The following SPHKAP variants were observed in gnomAD, a reference collection of about 807,000 sequenced individuals.
The protein encoded by SPHKAP is SPHK1 interactor, AKAP domain containing, also known as A-kinase anchor protein SPHKAP.
SPHKAP carries 67 observed loss-of-function variants against 137.5 expected under a neutral mutation model. That is an observed-to-expected ratio of 0.49 (90% CI 0.40 to 0.60). SPHKAP has a LOEUF of 0.60. Ranked by LOEUF, SPHKAP falls within the 20% of genes least tolerant of loss-of-function variation. The pLI is 0.00. For missense variants in SPHKAP, 2,097 were observed against 2,069.3 expected (o/e 1.01, Z -0.26); for synonymous variants, 813 against 785.3 (o/e 1.04, Z -0.59).
chr2:228,167,319 A>G (rs1453160528), intron 1 of SPHKAP, among the ~76,000 whole-genome samples: 1 of 152,104 alleles, frequency 6.6e-6, no homozygotes, highest in African/African-American at 2.4e-5. Context: ...GTTTGCAAAG[A>G]CAGAAATACT....
At chr2:227,999,815 C>T (rs1284207745) in intron 7 of SPHKAP, among the ~76,000 whole-genome samples, 1 of 152,152 alleles carries the variant, frequency 6.6e-6, no homozygotes, top group Non-Finnish European at 1.5e-5. Context: ...AGGTGTTGTG[C>T]AGATGCATGC....
Position 228,017,123 on chromosome 2 carries a change from G to A in SPHKAP, c.3731C>T (p.Ser1244Phe), listed in dbSNP as rs762020527. The A allele has an allele frequency of 3.1e-6, 5 of 1,614,066 alleles. No homozygotes were observed. Among genetic ancestry groups the A allele is most frequent in the African/African-American group, 1.3e-5 (1 of 75,036 alleles). ...ATTCACTGTCAGCCTGGAGCATGGG[G>A]ATCTGCTGTCTGGCATGGACGACTG... The part of the protein sequence containing the change: ...HRQSSMPDSR[S>F]PCSRLTVNVP... Residue 1244 changes from serine (S) to phenylalanine (F), a missense_variant, in exon 7 of 12, where the codon TCC becomes TTC. Transcript: ENST00000392056.
chr2:228,063,194 G>GTCTGTCTA (rs1553536389), intron 3 of SPHKAP, among the ~76,000 whole-genome samples: 11 of 146,268 alleles, frequency 7.5e-5, no homozygotes, highest in African/African-American at 2.2e-4. Flanking sequence ...CTGTCTGTCT[G>GTCTGTCTA]TCTATCTATC....
intron 3 of SPHKAP, among the ~76,000 whole-genome samples, chr2:228,029,350 T>C (rs1695193772): frequency 2.6e-5 from 4 of 152,302 alleles, no homozygotes; most frequent in East Asian, 1.9e-4. Flanking sequence ...TTTTTTCTTT[T>C]TGAGGTTAAA....
At chr2:227,983,036 C>G (rs1057510421) in intron 11 of SPHKAP, among the ~76,000 whole-genome samples, 3 of 151,450 alleles carry the variant, frequency 2.0e-5, no homozygotes, top group African/African-American at 7.3e-5. Context: ...AGGAGGAGAG[C>G]CTTAGTTGCT....
rs541463134 is a variant in SPHKAP, at chr2:228,016,857, T to C, written c.3997A>G (p.Thr1333Ala). 341 of 1,614,082 alleles carry C rather than the reference T, an allele frequency of 2.1e-4. 5 individuals are homozygous for C. In the South Asian group the frequency reaches 3.5e-3, roughly 17 times the overall value. ...IIVDDAEEAD[T>A]EPVSGGSPSQ... ...GGAGAGCCACCAGAAACAGGCTCAG[T>C]GTCAGCTTCCTCTGCATCATCCACA... The change falls in exon 7 of 12, where the codon ACT (threonine) becomes GCT (alanine). Residue 1333 changes from threonine to alanine, a missense_variant. Thr to Ala is a moderately conservative substitution (Grantham distance 58). Coordinates refer to ENST00000392056, the MANE Select transcript of SPHKAP (RefSeq NM_001142644.2).
intron 1 of SPHKAP, among the ~76,000 whole-genome samples, chr2:228,151,472 G>A (rs1051269072): frequency 1.3e-5 from 2 of 152,086 alleles, no homozygotes; most frequent in African/African-American, 4.8e-5. Context: ...TGGGTCAAAT[G>A]GTATTTCTAG....
At chr2:228,140,299 A>T (rs1450508544) in intron 1 of SPHKAP, among the ~76,000 whole-genome samples, 1 of 151,846 alleles carries the variant, frequency 6.6e-6, no homozygotes, top group African/African-American at 2.4e-5. Context: ...TTTTTCAGAT[A>T]GTCAAAGCAC....
chr2:228,142,144 A>G (rs930658940), intron 1 of SPHKAP, among the ~76,000 whole-genome samples: 8 of 152,320 alleles, frequency 5.3e-5, no homozygotes, highest in African/African-American at 1.9e-4. Context: ...CATATGAAAT[A>G]GTATAATGAA....
intron 7 of SPHKAP, among the ~76,000 whole-genome samples, chr2:228,001,282 CATATATCTATACATATAA>C (rs1411249832): frequency 1.2e-5 from 1 of 86,812 alleles, no homozygotes; most frequent in Admixed American, 1.3e-4. Context: ...TATATCTATA[CATATATCTATACATATAA>C]ATATATCTAT....
At chr2:228,152,162 T>C (rs1699954192) in intron 1 of SPHKAP, among the ~76,000 whole-genome samples, 1 of 152,210 alleles carries the variant, frequency 6.6e-6, no homozygotes, top group African/African-American at 2.4e-5. Context: ...TTTCTGTAAA[T>C]GTTACATACT....
intron 3 of SPHKAP, among the ~76,000 whole-genome samples, chr2:228,092,087 A>G (rs1173203521): frequency 6.7e-6 from 1 of 150,198 alleles, no homozygotes; most frequent in Non-Finnish European, 1.5e-5. Flanking sequence ...ATGTATATAT[A>G]TGTGTGTATA....
At chr2:228,178,059 C>A (rs560568180) in intron 1 of SPHKAP, among the ~76,000 whole-genome samples, 1 of 152,234 alleles carries the variant, frequency 6.6e-6, no homozygotes, top group East Asian at 1.9e-4. Flanking sequence ...TTATTTTTAG[C>A]ACTTGTTGGC....
chr2:228,079,189 T>C (rs940884821), intron 3 of SPHKAP, among the ~76,000 whole-genome samples: 5 of 152,112 alleles, frequency 3.3e-5, no homozygotes, highest in Non-Finnish European at 2.9e-5. Flanking sequence ...TCATGAAGAG[T>C]GCGCAATCTA....
chr2:228,073,598 G>A (rs1479916728), intron 3 of SPHKAP, among the ~76,000 whole-genome samples: 1 of 152,200 alleles, frequency 6.6e-6, no homozygotes, highest in Non-Finnish European at 1.5e-5. Context: ...TGACACTTCA[G>A]GAATCTTTGT....
At chr2:228,088,581 T>G (rs1697617248) in intron 3 of SPHKAP, among the ~76,000 whole-genome samples, 1 of 152,194 alleles carries the variant, frequency 6.6e-6, no homozygotes, top group African/African-American at 2.4e-5. Context: ...ATGTTTATCC[T>G]CTCCAAATCT....
chr2:228,169,265 C>G (rs1042624596), intron 1 of SPHKAP, among the ~76,000 whole-genome samples: 14 of 152,092 alleles, frequency 9.2e-5, no homozygotes, highest in African/African-American at 3.4e-4. Flanking sequence ...AATGAAAAAT[C>G]CTTACATTAG....
chr2:228,094,535 G>C (rs1176376324), intron 3 of SPHKAP, among the ~76,000 whole-genome samples: 1 of 152,178 alleles, frequency 6.6e-6, no homozygotes, highest in Non-Finnish European at 1.5e-5. Flanking sequence ...CCTATCACTA[G>C]GATCTGACAG....
At chr2:228,166,826 T>A (rs1189883410) in intron 1 of SPHKAP, among the ~76,000 whole-genome samples, 1 of 152,148 alleles carries the variant, frequency 6.6e-6, no homozygotes, top group Non-Finnish European at 1.5e-5. Context: ...TTTAATTGGC[T>A]CACAGTTCTG....
Sources: gnomAD v4.1 joint callset for allele counts (sites outside exome capture counted in the v4.1 genomes callset) on GRCh38, gnomAD v4.1.1 for gene constraint, MANE v1.5 for transcripts, NCBI Gene and HGNC (gene_info 2026-07-23, HGNC 2026-07-21) for gene names.